The following PACC1 variants were observed in gnomAD, a reference collection of about 807,000 sequenced individuals.
PACC1 encodes proton-activated chloride channel.
In PACC1, 34 loss-of-function variants were observed where a neutral mutation model predicts 39.7. The observed-to-expected ratio is 0.86, with a 90% CI of 0.65 to 1.14. PACC1 has a LOEUF of 1.14. PACC1 is among the 50% of genes most tolerant of loss of function. PACC1 has a pLI of 0.00. For synonymous variants in PACC1, 127 were observed against 160.6 expected (o/e 0.79, Z 1.58); for missense variants, 379 against 436.4 (o/e 0.87, Z 1.17).
In PACC1 at chr1:212,414,797, G is replaced by T. The variant is rs1425084794; in HGVS notation, c.-40C>A. The T allele has an allele frequency of 6.2e-7, 1 of 1,608,552 alleles. No homozygotes were observed. The highest frequency in any genetic ancestry group is 8.5e-7 in the Non-Finnish European group (1 of 1,175,668). Reference sequence around the variant, plus strand: ...CTTCGGCACACCTGAGACCGCCCCAGCCCGCGGCGCACGGACGCAGCACTG... The same window carrying T: ...CTTCGGCACACCTGAGACCGCCCCATCCCGCGGCGCACGGACGCAGCACTG... On this transcript the variant is annotated 5_prime_UTR_variant, in exon 1 of 8. The change creates a new upstream start codon in the 5' untranslated region. Transcript: ENST00000261455.
rs1203546007 is a variant in PACC1 at position 212,385,291 on chromosome 1, A to T, written c.478T>A (p.Phe160Ile). The T allele has an allele frequency of 6.2e-7, 1 of 1,613,928 alleles. No individual in the cohort carries two copies. The highest frequency in any genetic ancestry group is 1.3e-5 in the African/African-American group (1 of 74,902). ...GGAATTACCACAGTCTGATTGGAGAAGGGGTCCGTGTAGTTGATCCTCTGG... is the reference window on the plus strand; with the variant it reads ...GGAATTACCACAGTCTGATTGGAGATGGGGTCCGTGTAGTTGATCCTCTGG... The part of the protein sequence containing the change: ...TTQRINYTDP[F>I]SNQTVKSALI... The change falls in exon 4 of 8, where the codon TTC becomes ATC. Residue 160 changes from phenylalanine (F) to isoleucine (I), a missense_variant. Phe to Ile is a conservative substitution (Grantham distance 21). Transcript: ENST00000261455.
chr1:212,396,294 G>A (rs985259408), intron 2 of PACC1, among the ~76,000 whole-genome samples: 13 of 152,180 alleles, frequency 8.5e-5, no homozygotes, highest in Middle Eastern at 6.8e-3. Flanking sequence ...GTAGGGACAC[G>A]GCTGAAGCTG....
intron 7 of PACC1, among the ~76,000 whole-genome samples, chr1:212,371,205 T>G (rs1660439462): frequency 1.5e-5 from 2 of 134,376 alleles, no homozygotes; most frequent in South Asian, 4.5e-4. Flanking sequence ...AGATCGCAAC[T>G]GCACTCCAGC....
chr1:212,390,229 C>T (rs1319025252), intron 2 of PACC1, among the ~76,000 whole-genome samples: 1 of 151,762 alleles, frequency 6.6e-6, no homozygotes, highest in Non-Finnish European at 1.5e-5. Context: ...TCGAAACCAT[C>T]CTGGCCAATG....
chr1:212,399,699 T>C (rs1408682878), intron 2 of PACC1, among the ~76,000 whole-genome samples: 3 of 152,164 alleles, frequency 2.0e-5, no homozygotes, highest in Admixed American at 2.0e-4. Context: ...CATGCCACCA[T>C]GCCCAGCTAA....
chr1:212,388,715 C>T (rs958682984), intron 2 of PACC1, among the ~76,000 whole-genome samples: 1 of 152,226 alleles, frequency 6.6e-6, no homozygotes, highest in African/African-American at 2.4e-5. Flanking sequence ...ATTCTCGCTT[C>T]CAGAACTGTG....
intron 4 of PACC1, among the ~76,000 whole-genome samples, chr1:212,382,149 C>T (rs918780872): frequency 6.6e-6 from 1 of 152,070 alleles, no homozygotes; most frequent in African/African-American, 2.4e-5. Flanking sequence ...GGCGATTCTC[C>T]TGTCTTGCCC....
intron 4 of PACC1, among the ~76,000 whole-genome samples, chr1:212,382,313 A>G (rs1182279539): frequency 6.8e-6 from 1 of 147,054 alleles, no homozygotes; most frequent in African/African-American, 2.5e-5. Flanking sequence ...AAAGTGCTGG[A>G]TTACAGGCAT....
intron 2 of PACC1, among the ~76,000 whole-genome samples, chr1:212,395,814 C>T (rs2102518839): frequency 6.6e-6 from 1 of 152,200 alleles, no homozygotes; most frequent in South Asian, 2.1e-4. Flanking sequence ...GACATTTATG[C>T]AGCCAACAGA....
At position 212,414,841 on chromosome 1, in the gene PACC1, C is replaced by A. The variant is rs1662275790; in HGVS notation, c.-84G>T. The A allele has an allele frequency of 5.7e-6, 9 of 1,567,132 alleles. No individual in the cohort carries two copies. The Admixed American group carries it at 1.6e-4, about 27-fold the overall frequency. ...AGCACTGCGGCCGCTGCACCTGGAC[C>A]TACCGGCTCCGCGAGGCGAAACCGG... On this transcript the variant is annotated 5_prime_UTR_variant, in exon 1 of 8. It adds an upstream start codon to the 5' untranslated region. Transcript: ENST00000261455.
intron 1 of PACC1, among the ~76,000 whole-genome samples, chr1:212,414,273 C>T (rs1662245630): frequency 6.6e-6 from 1 of 152,202 alleles, no homozygotes; most frequent in Non-Finnish European, 1.5e-5. Flanking sequence ...AGGCCTTGGG[C>T]TTGGAGGGGG....
At chr1:212,389,051 G>A (rs1048845125) in intron 2 of PACC1, among the ~76,000 whole-genome samples, 5 of 152,174 alleles carry the variant, frequency 3.3e-5, no homozygotes, top group Non-Finnish European at 7.3e-5. Flanking sequence ...AAGGCACTGG[G>A]AGAATGATCA....
chr1:212,410,566 G>T, intron 1 of PACC1, 45 bp from the exon 2 acceptor site: 1 of 1,564,586 alleles, frequency 6.4e-7, no homozygotes, highest in Non-Finnish European at 8.8e-7. Flanking sequence ...AGCTATGTCA[G>T]CCTTGCTTTT....
intron 4 of PACC1, among the ~76,000 whole-genome samples, chr1:212,381,974 G>T (rs376763261): frequency 2.0e-5 from 3 of 152,222 alleles, no homozygotes; most frequent in African/African-American, 4.8e-5. Flanking sequence ...TGCAGGTTTT[G>T]TTTTTATTTG....
In PACC1 at chr1:212,365,038, G is replaced by T; in HGVS notation, c.*177C>A. On this transcript the variant is annotated 3_prime_UTR_variant, in exon 8 of 8. Coordinates refer to ENST00000261455, the MANE Select transcript of PACC1 (RefSeq NM_018252.3). ...GTTTATCCATTAGTCTCTTCTATTA[G>T]GCTCTACACCGCCTCTTTTGGGACG... is the stretch of plus-strand genomic sequence containing the variant. 1 of 463,708 alleles carries T rather than the reference G, an allele frequency of 2.2e-6. No homozygotes were observed. The highest frequency in any genetic ancestry group is 3.7e-6 in the Non-Finnish European group (1 of 267,134). The allele number at this position is 463,708 out of a possible 1,614,324, so 28.7% of individuals were successfully genotyped here.
intron 7 of PACC1, among the ~76,000 whole-genome samples, chr1:212,368,712 A>T (rs1222551657): frequency 6.6e-6 from 1 of 151,436 alleles, no homozygotes; most frequent in African/African-American, 2.4e-5. Flanking sequence ...AAGGTCTAGA[A>T]AATAGCCTCA....
At chr1:212,376,135 G>A (rs1474450850) in intron 6 of PACC1, among the ~76,000 whole-genome samples, 1 of 152,046 alleles carries the variant, frequency 6.6e-6, no homozygotes, top group East Asian at 1.9e-4. Flanking sequence ...AATTACTAAA[G>A]ACGCTGTGTG....
chr1:212,408,014 C>T (rs1661980836), intron 2 of PACC1, among the ~76,000 whole-genome samples: 1 of 146,352 alleles, frequency 6.8e-6, no homozygotes, highest in Non-Finnish European at 1.5e-5. Context: ...GCAGAGGTTG[C>T]AATGAGCCGA....
chr1:212,407,215 A>C (rs944162977), intron 2 of PACC1, among the ~76,000 whole-genome samples: 4 of 152,204 alleles, frequency 2.6e-5, no homozygotes, highest in Non-Finnish European at 4.4e-5. Context: ...AGTCAGCATC[A>C]GAGTGATGTC....
Sources: gnomAD v4.1 joint callset for allele counts (sites outside exome capture counted in the v4.1 genomes callset) on GRCh38, gnomAD v4.1.1 for gene constraint, MANE v1.5 for transcripts, NCBI Gene and HGNC (gene_info 2026-07-23, HGNC 2026-07-21) for gene names.